The following NNT variants were observed in gnomAD, a reference collection of about 807,000 sequenced individuals.
NNT encodes the protein nicotinamide nucleotide transhydrogenase, also known as NAD(P) transhydrogenase, mitochondrial.
Under a neutral mutation model 104.8 loss-of-function variants are expected in NNT, and 50 were observed. The observed-to-expected ratio is 0.48, with a 90% CI of 0.38 to 0.60. The LOEUF is 0.60. Among genes scored for constraint, NNT ranks in the 20% least tolerant of loss-of-function variants. The probability of loss-of-function intolerance (pLI) is 0.00; values close to 1 mark genes in which losing one functional copy is unlikely to be tolerated. For synonymous variants in NNT, 461 were observed against 490.4 expected (o/e 0.94, Z 0.79); for missense variants, 1,131 against 1,330.7 (o/e 0.85, Z 2.33).
chr5:43,643,352 A>G (rs1355728745), intron 7 of NNT, among the ~76,000 whole-genome samples: 1 of 152,256 alleles, frequency 6.6e-6, no homozygotes, highest in Non-Finnish European at 1.5e-5. Flanking sequence ...ATATTGATGT[A>G]TATTAGCTCG....
rs764529261 is a variant in NNT at position 43,628,239 on chromosome 5, G to C, written c.816G>C (p.Glu272Asp). 6.2e-7 allele frequency: 1 copy of C among 1,613,774 alleles called. No individual in the cohort carries two copies. The highest frequency in any genetic ancestry group is 1.3e-5 in the African/African-American group (1 of 74,868). The stretch of plus-strand genomic sequence containing the variant: ...AACAGTTCAAGTCTCTTGGTGCTGA[G>C]CCCTTGGAGGTGGACTTGAAGGAAT... ...ALEQFKSLGA[E>D]PLEVDLKESG... Residue 272 changes from glutamate (E) to aspartate (D), a missense_variant, in exon 7 of 22, where the codon GAG (glutamate) becomes GAC (aspartate). Transcript: ENST00000344920.
chr5:43,689,804 A>G (rs148899440), intron 19 of NNT, among the ~76,000 whole-genome samples: 6 of 152,356 alleles, frequency 3.9e-5, no homozygotes, highest in African/African-American at 1.4e-4. Flanking sequence ...TGTGAAATAG[A>G]AAGTATAAAT....
rs756650774 is a variant in NNT at position 43,645,389 on chromosome 5, G to A, written c.1323G>A (p.Pro441=). 4.5e-5 allele frequency: 70 copies of A among 1,556,356 alleles called. No individual in the cohort carries two copies. Among genetic ancestry groups the A allele is most frequent in the African/African-American group, 9.7e-5 (7 of 72,428 alleles). ...DGKVIFPAPT[P]KNIPQGAPVK... ...AAGTGATTTTCCCAGCTCCCACACCGAAAAATATTCCTCAAGGTGCCCCAG... is the reference window on the plus strand; with the variant it reads ...AAGTGATTTTCCCAGCTCCCACACCAAAAAATATTCCTCAAGGTGCCCCAG... The change falls in exon 10 of 22, where the codon CCG becomes CCA. Residue 441 remains proline, a synonymous_variant. Coordinates refer to ENST00000344920, the MANE Select transcript of NNT (RefSeq NM_182977.3).
At chr5:43,662,161 T>G (rs1384278095) in intron 17 of NNT, among the ~76,000 whole-genome samples, 4 of 152,204 alleles carry the variant, frequency 2.6e-5, no homozygotes, top group African/African-American at 9.7e-5. Flanking sequence ...GTTTTTAAAT[T>G]TATAAAGAGT....
At chr5:43,623,805 C>A (rs771938134) in intron 5 of NNT, among the ~76,000 whole-genome samples, 3 of 152,082 alleles carry the variant, frequency 2.0e-5, no homozygotes, top group African/African-American at 7.2e-5. Context: ...TTGTTGTTGG[C>A]CTTTGCTAGC....
intron 19 of NNT, among the ~76,000 whole-genome samples, chr5:43,698,415 C>T (rs550078422): frequency 6.6e-6 from 1 of 152,056 alleles, no homozygotes; most frequent in African/African-American, 2.4e-5. Flanking sequence ...ATTGATGTGT[C>T]TACGTGGTTC....
At chr5:43,653,239 C>T (rs1433962534) in intron 14 of NNT, 26 bp downstream of exon 14, 4 of 1,573,300 alleles carry the variant, frequency 2.5e-6, no homozygotes, top group Non-Finnish European at 3.5e-6. Flanking sequence ...CTTCTGCCTT[C>T]ATGTGAACTC....
At chr5:43,694,123 T>C (rs1360570321) in intron 19 of NNT, among the ~76,000 whole-genome samples, 1 of 152,254 alleles carries the variant, frequency 6.6e-6, no homozygotes, top group East Asian at 1.9e-4. Flanking sequence ...TTTTACACAT[T>C]GATTTTGTAT....
At position 43,655,959 on chromosome 5, in the gene NNT, C is replaced by G. The variant is rs1353890025; in HGVS notation, c.2179C>G (p.Pro727Ala). 3.1e-6 allele frequency: 5 copies of G among 1,613,972 alleles called. No homozygotes were observed. In the Admixed American group the frequency reaches 8.3e-5, roughly 27 times the overall value. ...TCIAEYIIEY[P>A]HFATDAAANL... ...CATAGCTGAGTACATTATAGAATAT[C>G]CACATTTTGCTACGGATGCAGCAGC... Residue 727 changes from proline (P) to alanine (A), a missense_variant, in exon 15 of 22, where the codon CCA becomes GCA. By Grantham distance (27) the Pro-to-Ala change is conservative. Transcript: ENST00000344920.
In NNT at chr5:43,616,603, C is replaced by T. The variant is rs551062525; in HGVS notation, c.599+538C>T. Among the ~76,000 whole-genome samples the T allele has an allele frequency of 3.9e-5, 6 of 152,280 alleles. No individual in the cohort carries two copies. In the South Asian group the frequency reaches 1.2e-3, roughly 32 times the overall value. The stretch of plus-strand genomic sequence containing the variant: ...GATAACTGAGGGCTATGTCTTCGAC[C>T]TTTAAGGTCAAGATGGTAATAAGCT... On this transcript the variant is annotated intron_variant, in intron 4 of 21. Coordinates refer to ENST00000344920, the MANE Select transcript of NNT (RefSeq NM_182977.3).
At position 43,706,692 on chromosome 5, in the gene NNT, T is replaced by C. The variant is rs978453382; in HGVS notation, c.*2288T>C. 1 of 152,222 alleles carries C rather than the reference T, an allele frequency of 6.6e-6. No individual in the cohort carries two copies. Among genetic ancestry groups the C allele is most frequent in the African/African-American group, 2.4e-5 (1 of 41,460 alleles). 9.4% of individuals were successfully genotyped at this position (152,222 alleles called of 1,614,324 possible). On this transcript the variant is annotated 3_prime_UTR_variant, in exon 22 of 22. Coordinates refer to ENST00000344920, the MANE Select transcript of NNT (RefSeq NM_182977.3). ...CACACGTATGTTTATTGCAGCACTATTCACAATAGCAAAGACTTGGAACCA... is the reference window on the plus strand; with the variant it reads ...CACACGTATGTTTATTGCAGCACTACTCACAATAGCAAAGACTTGGAACCA...
intron 7 of NNT, among the ~76,000 whole-genome samples, chr5:43,638,940 G>A (rs1362479234): frequency 2.6e-5 from 4 of 151,860 alleles, no homozygotes; most frequent in African/African-American, 9.7e-5. Context: ...TAGAATCTGG[G>A]AATTTATTGA....
chr5:43,659,604 C>T (rs1024189056), intron 17 of NNT, among the ~76,000 whole-genome samples: 6 of 152,066 alleles, frequency 3.9e-5, no homozygotes, highest in African/African-American at 1.4e-4. Context: ...TGGTGGGTGC[C>T]TGTAATCCCA....
Position 43,645,460 on chromosome 5 carries a change from C to T in NNT, c.1394C>T (p.Thr465Ile). The change falls in exon 10 of 22, where the codon ACC (threonine) becomes ATC (isoleucine). Residue 465 changes from threonine (T) to isoleucine (I), a missense_variant. Thr to Ile is a moderately conservative substitution (Grantham distance 89). Coordinates refer to ENST00000344920, the MANE Select transcript of NNT (RefSeq NM_182977.3). Reference protein sequence around the residue: ...VAELEAEKAATITPFRKTMST... With the variant: ...VAELEAEKAAIITPFRKTMST... ...GAGCTGGAAGCTGAAAAAGCAGCTACCATTACACCCTTCAGGAAGACAATG... is the reference window on the plus strand; with the variant it reads ...GAGCTGGAAGCTGAAAAAGCAGCTATCATTACACCCTTCAGGAAGACAATG... The T allele has an allele frequency of 1.3e-6, 2 of 1,573,236 alleles. No homozygotes were observed. The highest frequency in any genetic ancestry group is 1.7e-6 in the Non-Finnish European group (2 of 1,158,536).
intron 19 of NNT, among the ~76,000 whole-genome samples, chr5:43,682,567 C>T: frequency 6.6e-6 from 1 of 152,100 alleles, no homozygotes; most frequent in East Asian, 1.9e-4. Context: ...GTCCAGCCTT[C>T]TTGGATTTGT....
At chr5:43,675,854 G>A (rs937357604) in intron 18 of NNT, among the ~76,000 whole-genome samples, 184 bp downstream of exon 18, 3 of 152,054 alleles carry the variant, frequency 2.0e-5, no homozygotes, top group Non-Finnish European at 4.4e-5. Context: ...TTAATATTTT[G>A]GAGATCACAT....
chr5:43,692,694 C>T (rs1169881623), intron 19 of NNT, among the ~76,000 whole-genome samples: 1 of 152,188 alleles, frequency 6.6e-6, no homozygotes, highest in Admixed American at 6.5e-5. Flanking sequence ...AACCCCATCA[C>T]ATTTATCAGT....
chr5:43,645,470 C>T lies in NNT; in HGVS notation c.1404C>T (p.Pro468=). ...CTGAAAAAGCAGCTACCATTACACC[C>T]TTCAGGAAGACAATGTCAACGGCTT... ...LEAEKAATIT[P]FRKTMSTASA... Residue 468 remains proline, a synonymous_variant, in exon 10 of 22, where the codon CCC becomes CCT. Coordinates refer to ENST00000344920, the MANE Select transcript of NNT (RefSeq NM_182977.3). 6.4e-7 allele frequency: 1 copy of T among 1,567,910 alleles called. No homozygotes were observed. The highest frequency in any genetic ancestry group is 8.7e-7 in the Non-Finnish European group (1 of 1,155,576).
At chr5:43,695,019 A>G (rs904943129) in intron 19 of NNT, among the ~76,000 whole-genome samples, 1 of 152,118 alleles carries the variant, frequency 6.6e-6, no homozygotes, top group Non-Finnish European at 1.5e-5. Flanking sequence ...TTCCTGGTTC[A>G]GTCTTGGGAC....
Sources: gnomAD v4.1 joint callset for allele counts (sites outside exome capture counted in the v4.1 genomes callset) on GRCh38, gnomAD v4.1.1 for gene constraint, MANE v1.5 for transcripts, NCBI Gene and HGNC (gene_info 2026-07-23, HGNC 2026-07-21) for gene names.